TDRD5: variants seen among roughly 807,000 people sequenced by gnomAD.
The protein encoded by TDRD5 is tudor domain containing 5, also known as tudor domain-containing protein 5.
TDRD5 carries 41 observed loss-of-function variants against 120.6 expected under a neutral mutation model. The observed-to-expected ratio is 0.34, with a 90% CI of 0.26 to 0.44. The LOEUF (loss-of-function observed/expected upper bound fraction) is 0.44. Ranked by LOEUF, TDRD5 falls within the 20% of genes least tolerant of loss-of-function variation. The pLI is 1.00. For synonymous variants in TDRD5, 430 were observed against 433.7 expected (o/e 0.99, Z 0.11); for missense variants, 1,006 against 1,221.2 (o/e 0.82, Z 2.63).
chr1:179,680,070 A>G (rs73037637), intron 17 of TDRD5, among the ~76,000 whole-genome samples: 4,920 of 151,994 alleles, frequency 0.032, 271 homozygotes, highest in African/African-American at 0.11. Context: ...TTCTTGACCT[A>G]TTGGTTATCT....
chr1:179,593,597 C>T lies in TDRD5; in HGVS notation c.370C>T (p.Arg124Ter). 1 of 1,614,182 alleles carries T rather than the reference C, an allele frequency of 6.2e-7. No homozygotes were observed. The change falls in exon 3 of 18, where the codon CGA (arginine) becomes TGA (stop). Residue 124 changes from arginine to a stop codon, truncating the protein, a stop_gained. Coordinates refer to ENST00000444136, the MANE Select transcript of TDRD5 (RefSeq NM_001199085.3). LOFTEE classifies it high-confidence loss of function. ...GPRSHRRVPY[R>*]GRVAPILPAV... The stretch of plus-strand genomic sequence containing the variant: ...GAGATCTCATCGGCGAGTACCTTAC[C>T]GAGGAAGGGTTGCCCCTATTCTTCC...
At chr1:179,628,960 T>C (rs1387466068) in intron 6 of TDRD5, among the ~76,000 whole-genome samples, 1 of 152,172 alleles carries the variant, frequency 6.6e-6, no homozygotes, top group Non-Finnish European at 1.5e-5. Context: ...CCAATTTAAC[T>C]GAAGTGTTTA....
chr1:179,651,350 G>A (rs956673317), intron 12 of TDRD5, among the ~76,000 whole-genome samples: 2 of 152,154 alleles, frequency 1.3e-5, no homozygotes, highest in Non-Finnish European at 2.9e-5. Context: ...TGTAATCCCA[G>A]CTACTTGGGA....
At chr1:179,673,488 A>G (rs1194015092) in intron 17 of TDRD5, among the ~76,000 whole-genome samples, 1 of 152,186 alleles carries the variant, frequency 6.6e-6, no homozygotes, top group Non-Finnish European at 1.5e-5. Context: ...ACATGTGCCC[A>G]AGGTGGTCAG....
At chr1:179,677,820 G>C (rs1680214531) in intron 17 of TDRD5, among the ~76,000 whole-genome samples, 1 of 152,034 alleles carries the variant, frequency 6.6e-6, no homozygotes. Flanking sequence ...CACTGGCTTT[G>C]TGTTGGTTGA....
At chr1:179,622,965 C>G (rs1181172266) in intron 6 of TDRD5, among the ~76,000 whole-genome samples, 1 of 151,974 alleles carries the variant, frequency 6.6e-6, no homozygotes, top group Admixed American at 6.6e-5. Context: ...TGCAGAAAAC[C>G]AAATATAAGT....
At chr1:179,623,134 C>T (rs1324037671) in intron 6 of TDRD5, among the ~76,000 whole-genome samples, 1 of 152,002 alleles carries the variant, frequency 6.6e-6, no homozygotes, top group Non-Finnish European at 1.5e-5. Flanking sequence ...TATTTTATAT[C>T]CAGTGATAAT....
intron 17 of TDRD5, among the ~76,000 whole-genome samples, chr1:179,688,111 CGTTA>C (rs1680848335): frequency 1.3e-5 from 2 of 151,956 alleles, no homozygotes; most frequent in Non-Finnish European, 2.9e-5. Flanking sequence ...TTATTTTGCC[CGTTA>C]GTTGATGCAG....
intron 14 of TDRD5, among the ~76,000 whole-genome samples, chr1:179,655,312 C>G (rs1678940227): frequency 6.6e-6 from 1 of 152,182 alleles, no homozygotes; most frequent in Non-Finnish European, 1.5e-5. Context: ...GTATATCAAA[C>G]TTTCCATCAG....
intron 6 of TDRD5, among the ~76,000 whole-genome samples, chr1:179,628,111 A>G (rs904097629): frequency 5.3e-5 from 8 of 152,260 alleles, no homozygotes; most frequent in Non-Finnish European, 8.8e-5. Context: ...GGGGATATTC[A>G]TTATGCTAAT....
intron 4 of TDRD5, among the ~76,000 whole-genome samples, chr1:179,612,560 G>T (rs755340046): frequency 2.0e-5 from 3 of 152,222 alleles, no homozygotes; most frequent in Middle Eastern, 6.8e-3. Context: ...CTATTAATAG[G>T]TATTTACCTT....
intron 17 of TDRD5, among the ~76,000 whole-genome samples, chr1:179,684,636 A>G (rs1053252409): frequency 2.0e-5 from 3 of 152,206 alleles, no homozygotes; most frequent in Non-Finnish European, 4.4e-5. Flanking sequence ...GTCTTCCACA[A>G]TGGTTGAACT....
intron 5 of TDRD5, among the ~76,000 whole-genome samples, chr1:179,619,928 A>G (rs1016795485): frequency 2.0e-5 from 3 of 152,198 alleles, no homozygotes; most frequent in Non-Finnish European, 4.4e-5. Flanking sequence ...GGTACCAAAA[A>G]TTGGAGAAAA....
chr1:179,658,996 A>G (rs1679146411), intron 14 of TDRD5, among the ~76,000 whole-genome samples: 1 of 152,034 alleles, frequency 6.6e-6, no homozygotes, highest in African/African-American at 2.4e-5. Context: ...TTATTTTGAG[A>G]TATTATCTTT....
intron 17 of TDRD5, among the ~76,000 whole-genome samples, chr1:179,672,856 C>A (rs1383493245): frequency 1.3e-5 from 2 of 152,110 alleles, no homozygotes; most frequent in Non-Finnish European, 2.9e-5. Context: ...ATAGGGTGTC[C>A]TTTCCCCACT....
intron 4 of TDRD5, among the ~76,000 whole-genome samples, chr1:179,605,622 A>G (rs1184190801): frequency 6.6e-6 from 1 of 152,124 alleles, no homozygotes; most frequent in Non-Finnish European, 1.5e-5. Context: ...GCGCCTGTTC[A>G]TCTGTCTCGT....
chr1:179,594,580 G>A (rs1338123062), intron 3 of TDRD5, among the ~76,000 whole-genome samples: 3 of 152,220 alleles, frequency 2.0e-5, no homozygotes, highest in South Asian at 2.1e-4. Flanking sequence ...GTGACCATCT[G>A]GGTAGTATCT....
At chr1:179,630,944 C>T (rs1160583274) in intron 7 of TDRD5, 24 bp downstream of exon 7, 1 of 1,593,066 alleles carries the variant, frequency 6.3e-7, no homozygotes. Context: ...CAGTATGATG[C>T]AAACCTCATT....
intron 4 of TDRD5, among the ~76,000 whole-genome samples, chr1:179,615,912 A>C (rs1210331464): frequency 6.6e-6 from 1 of 152,138 alleles, no homozygotes; most frequent in Non-Finnish European, 1.5e-5. Flanking sequence ...TTTGCAGGCT[A>C]AATATTCTCT....
Sources: allele counts gnomAD v4.1 joint callset (sites outside exome capture counted in the v4.1 genomes callset), GRCh38; gene constraint gnomAD v4.1.1; transcripts MANE v1.5; gene names NCBI Gene and HGNC (gene_info 2026-07-23, HGNC 2026-07-21).